PMM2: variants seen among roughly 807,000 people sequenced by gnomAD.
PMM2 encodes the protein mannose-6-phosphate isomerase.
Under a neutral mutation model 33.2 loss-of-function variants are expected in PMM2, and 35 were observed. The ratio of observed to expected loss-of-function variants is 1.06; its 90% CI spans 0.81 to 1.40. The LOEUF is 1.40. Ranked by LOEUF, PMM2 falls within the 40% of genes most tolerant of loss-of-function variation. The pLI is 0.00. For missense variants in PMM2, 386 were observed against 306.0 expected, an observed-to-expected ratio of 1.26 and a Z score of -1.95; for synonymous variants, 153 against 114.7, an observed-to-expected ratio of 1.33 and a Z score of -2.13.
chr16:8,801,974 A>G (rs1283256755), intron 2 of PMM2, 64 bp downstream of exon 2: 1 of 1,154,624 alleles, frequency 8.7e-7, no homozygotes, highest in Non-Finnish European at 1.3e-6. Flanking sequence ...TATTGTTGCC[A>G]AGTATCATAG....
At chr16:8,831,753 C>T (rs549921285) in intron 7 of PMM2, among the ~76,000 whole-genome samples, 6 of 152,262 alleles carry the variant, frequency 3.9e-5, no homozygotes, top group Non-Finnish European at 8.8e-5. Context: ...ACTCATCAGC[C>T]CCCTGGCATC....
chr16:8,837,428 A>C (rs536723796), intron 7 of PMM2, among the ~76,000 whole-genome samples: 2 of 152,040 alleles, frequency 1.3e-5, no homozygotes, highest in African/African-American at 4.8e-5. Context: ...TAAGTTCTTA[A>C]GAACACAGGC....
intron 7 of PMM2, chr16:8,842,197 G>C (rs1434419908): frequency 1.3e-5 from 2 of 152,154 alleles, no homozygotes; most frequent in Non-Finnish European, 2.9e-5. Context: ...TCAACAGGCA[G>C]AGCACGTGTG....
intron 7 of PMM2, among the ~76,000 whole-genome samples, chr16:8,841,065 G>C (rs1266049606): frequency 6.6e-6 from 1 of 152,044 alleles, no homozygotes; most frequent in Non-Finnish European, 1.5e-5. Flanking sequence ...ATTCTGAGAA[G>C]AGCAAGAAGT....
chr16:8,817,196 C>T (rs1474906350), intron 7 of PMM2, among the ~76,000 whole-genome samples: 2 of 152,220 alleles, frequency 1.3e-5, no homozygotes, highest in African/African-American at 4.8e-5. Context: ...GGAGGTGTAG[C>T]ATTCAGGTTT....
intron 7 of PMM2, among the ~76,000 whole-genome samples, chr16:8,833,587 C>T (rs1054899577): frequency 2.6e-4 from 39 of 151,324 alleles, no homozygotes; most frequent in African/African-American, 8.2e-4. Flanking sequence ...CTGCTTCAAG[C>T]GGGATTAGGG....
intron 7 of PMM2, among the ~76,000 whole-genome samples, chr16:8,840,498 G>A (rs569143010): frequency 1.4e-4 from 21 of 152,104 alleles, no homozygotes; most frequent in Middle Eastern, 6.8e-3. Context: ...TTTGGGGCTC[G>A]GCCTAAGTGG....
In PMM2 at chr16:8,848,876, C is replaced by T. The variant is rs773040299; in HGVS notation, c.*1051C>T. ...GGTCCGCGTCCCTCACTCTTTTCAT[C>T]TTCTGCACGTTCTTCGTGAAACTGG... On this transcript the variant is annotated 3_prime_UTR_variant, in exon 8 of 8. Transcript: ENST00000268261. The T allele has an allele frequency of 3.9e-5, 6 of 152,408 alleles. No individual in the cohort carries two copies. Among genetic ancestry groups the T allele is most frequent in the Middle Eastern group, 6.8e-3 (2 of 294 alleles). 9.4% of individuals were successfully genotyped at this position (152,408 alleles called of 1,614,324 possible).
chr16:8,808,766 G>A (rs1487243169), intron 4 of PMM2: 1 of 152,236 alleles, frequency 6.6e-6, no homozygotes, highest in Non-Finnish European at 1.5e-5. Context: ...TTTAGCCCTA[G>A]GGTCACCCGG....
At chr16:8,837,898 A>G (rs1031750156) in intron 7 of PMM2, among the ~76,000 whole-genome samples, 60 of 152,192 alleles carry the variant, frequency 3.9e-4, no homozygotes, top group African/African-American at 1.3e-3. Flanking sequence ...TTTTGAGTCC[A>G]CAGATAAAAT....
Position 8,813,026 on chromosome 16 carries a change from T to C in PMM2, c.559T>C (p.Trp187Arg), listed in dbSNP as rs781346472. The change falls in exon 7 of 8, where the codon TGG becomes CGG. Residue 187 changes from tryptophan (W) to arginine (R), a missense_variant. Coordinates refer to ENST00000268261, the MANE Select transcript of PMM2 (RefSeq NM_000303.3). ...CAGCTTTGATGTCTTTCCTGATGGA[T>C]GGGACAAGAGATACTGTCTGCGACA... ...QISFDVFPDGWDKRYCLRHVE... is the reference protein window; with the variant it reads ...QISFDVFPDGRDKRYCLRHVE... 8.1e-6 allele frequency: 13 copies of C among 1,613,534 alleles called. No homozygotes were observed. The highest frequency in any genetic ancestry group is 1.3e-5 in the African/African-American group (1 of 74,928).
intron 7 of PMM2, among the ~76,000 whole-genome samples, chr16:8,834,447 C>T (rs1166630879): frequency 1.3e-5 from 2 of 151,750 alleles, no homozygotes; most frequent in East Asian, 1.9e-4. Flanking sequence ...TTCTCAGACC[C>T]TGTAGGAAAG....
rs34258285 is a variant in PMM2, at chr16:8,813,057, A to C, written c.590A>C (p.Glu197Ala). 0.023 allele frequency: 37,039 copies of C among 1,613,114 alleles called. 535 individuals are homozygous for C. Among genetic ancestry groups the C allele is most frequent in the Non-Finnish European group, 0.026 (30,429 of 1,178,988 alleles). The change falls in exon 7 of 8, where the codon GAA becomes GCA. Residue 197 changes from glutamate to alanine, a missense_variant. Physicochemically the swap from Glu to Ala is moderately radical, Grantham distance 107. Coordinates refer to ENST00000268261, the MANE Select transcript of PMM2 (RefSeq NM_000303.3). The part of the protein sequence containing the change: ...WDKRYCLRHV[E>A]NDGYKTIYFF... ...AAGAGATACTGTCTGCGACATGTGG[A>C]AAATGACGGTTATAAGACCATTTAT...
At chr16:8,811,029 CA>C in intron 4 of PMM2, 49 bp from the exon 5 acceptor site, 1 of 1,061,232 alleles carries the variant, frequency 9.4e-7, no homozygotes. Context: ...CTATGTTGCC[CA>C]AATGAATAAC....
At chr16:8,811,506 C>G (rs1368213974) in intron 5 of PMM2, 132 bp from the exon 6 acceptor site, 5 of 712,044 alleles carry the variant, frequency 7.0e-6, no homozygotes, top group Non-Finnish European at 1.2e-5. Flanking sequence ...GGCAACAGAG[C>G]AAGACCCCCA....
chr16:8,802,514 G>C (rs1285544606), intron 2 of PMM2: 7 of 296,186 alleles, frequency 2.4e-5, no homozygotes, highest in Non-Finnish European at 4.0e-5. Context: ...CATAGCCACA[G>C]GGCCTCCTGG....
intron 7 of PMM2, among the ~76,000 whole-genome samples, chr16:8,840,529 C>T (rs1007094351): frequency 4.0e-5 from 6 of 151,764 alleles, no homozygotes; most frequent in Non-Finnish European, 5.9e-5. Flanking sequence ...TTCGTAAAGC[C>T]CTGTTGCAAA....
Position 8,847,916 on chromosome 16 carries a change from C to T in PMM2, c.*91C>T, listed in dbSNP as rs569118186. 2.2e-5 allele frequency: 20 copies of T among 928,772 alleles called. No homozygotes were observed. In the East Asian group the frequency reaches 4.8e-4, roughly 22 times the overall value. 57.5% of individuals were successfully genotyped at this position (928,772 alleles called of 1,614,324 possible). ...GAGGGTCCTCCCACACGTGCTCACCCACCCGCAGCCTAGGCAGGCTCTGCA... is the reference window on the plus strand; with the variant it reads ...GAGGGTCCTCCCACACGTGCTCACCTACCCGCAGCCTAGGCAGGCTCTGCA... On this transcript the variant is annotated 3_prime_UTR_variant, in exon 8 of 8. Coordinates refer to ENST00000268261, the MANE Select transcript of PMM2 (RefSeq NM_000303.3).
At position 8,811,648 on chromosome 16, in the gene PMM2, T is replaced by G. The variant is rs150577656; in HGVS notation, c.458T>G (p.Ile153Arg). ...EFYELDKKEN[I>R]RQKFVADLRK... The stretch of plus-strand genomic sequence containing the variant: ...TTTTGTTTTTCTCAGAAAGAAAATA[T>G]AAGACAAAAGTTTGTAGCAGATCTA... The change falls in exon 6 of 8, where the codon ATA (isoleucine) becomes AGA (arginine). Residue 153 changes from isoleucine to arginine, a missense_variant. Coordinates refer to ENST00000268261, the MANE Select transcript of PMM2 (RefSeq NM_000303.3). The G allele has an allele frequency of 4.3e-6, 7 of 1,611,344 alleles. No homozygotes were observed. The highest frequency in any genetic ancestry group is 5.1e-6 in the Non-Finnish European group (6 of 1,177,480).
Sources: allele counts gnomAD v4.1 joint callset (sites outside exome capture counted in the v4.1 genomes callset), GRCh38; gene constraint gnomAD v4.1.1; transcripts MANE v1.5; gene names NCBI Gene and HGNC (gene_info 2026-07-23, HGNC 2026-07-21).